Variants in TFRC observed in about 807,000 individuals in gnomAD.
The protein encoded by TFRC is transferrin receptor protein 1.
In TFRC, 35 loss-of-function variants were observed where a neutral mutation model predicts 85.8. The observed-to-expected ratio is 0.41, with a 90% confidence interval of 0.31 to 0.54. The LOEUF is 0.54. Ranked by LOEUF, TFRC falls within the 20% of genes least tolerant of loss-of-function variation. The pLI, the probability that TFRC is intolerant of heterozygous loss-of-function variation, is 0.31. For synonymous variants in TFRC, 362 were observed against 328.6 expected (o/e 1.10, Z -1.10); for missense variants, 828 against 921.5 (o/e 0.90, Z 1.31).
In TFRC at chr3:196,058,349, C is replaced by T; in HGVS notation, c.1612G>A (p.Asp538Asn). 6 of 1,613,914 alleles carry T rather than the reference C, an allele frequency of 3.7e-6. No homozygotes were observed. In the South Asian group the frequency reaches 4.4e-5, roughly 12 times the overall value. The change falls in exon 16 of 19, where the codon GAC (aspartate) becomes AAC (asparagine). Residue 538 changes from aspartate (D) to asparagine (N), a missense_variant. Transcript: ENST00000360110. The part of the protein sequence containing the change: ...WASKVEKLTL[D>N]NAAFPFLAYS... ...GCAAGGAAAGGGAAAGCAGCATTGT[C>T]TAAAGTGAGTTTCTCACTGCAAAGA...
At position 196,071,650 on chromosome 3, in the gene TFRC, G is replaced by C. The variant is rs929958909; in HGVS notation, c.585-152C>G. 3.6e-5 allele frequency: 31 copies of C among 855,816 alleles called. No individual in the cohort carries two copies. In the Admixed American group the frequency reaches 6.9e-4, roughly 19 times the overall value. 53.0% of individuals were successfully genotyped at this position (855,816 alleles called of 1,614,324 possible). ...TATTTTAAAAGCCTTTGGGCCGCAT[G>C]CGGTGGCTCACGCCTGTAATCCCAG... On this transcript the variant is annotated intron_variant, in intron 5 of 18. Transcript: ENST00000360110.
At chr3:196,053,178 T>A (rs970236106) in intron 18 of TFRC, among the ~76,000 whole-genome samples, 2 of 152,198 alleles carry the variant, frequency 1.3e-5, no homozygotes, top group African/African-American at 2.4e-5. Flanking sequence ...TTTAAATGTG[T>A]TCAGATTCTT....
At chr3:196,073,130 G>C (rs1385081233) in intron 4 of TFRC, among the ~76,000 whole-genome samples, 2 of 151,286 alleles carry the variant, frequency 1.3e-5, no homozygotes, top group African/African-American at 4.9e-5. Flanking sequence ...TGAGGTAGGA[G>C]AATTGCTTAA....
chr3:196,065,423 G>GGGC lies in TFRC; in HGVS notation c.1198+19_1198+20insGCC, dbSNP rs1467473482. ...AAACAAAAAAAAAGCGGGGCGGGGG[G>GGGC]GGGGGGGGGCGGTCTTTACCTGGTT... is the stretch of plus-strand genomic sequence containing the variant. On this transcript the variant is annotated intron_variant, in intron 10 of 18. Coordinates refer to ENST00000360110, the MANE Select transcript of TFRC (RefSeq NM_001128148.3). 1 of 700,106 alleles carries GGGC rather than the reference G, an allele frequency of 1.4e-6. No homozygotes were observed. The highest frequency in any genetic ancestry group is 1.9e-6 in the Non-Finnish European group (1 of 519,864). 43.4% of individuals were successfully genotyped at this position (700,106 alleles called of 1,614,324 possible).
chr3:196,073,869 C>G, intron 4 of TFRC, 61 bp downstream of exon 4: 1 of 1,511,790 alleles, frequency 6.6e-7, no homozygotes, highest in South Asian at 1.2e-5. Context: ...ATTGTTTCCC[C>G]GTGGCCTATC....
chr3:196,072,279 C>T (rs1357551175), intron 4 of TFRC, 127 bp from the exon 5 acceptor site: 1 of 1,253,064 alleles, frequency 8.0e-7, no homozygotes, highest in African/African-American at 1.5e-5. Context: ...TGAACTGTGA[C>T]CCAAAACTTC....
intron 4 of TFRC, 141 bp downstream of exon 4, chr3:196,073,789 C>G: frequency 4.8e-6 from 4 of 837,114 alleles, no homozygotes; most frequent in Non-Finnish European, 6.9e-6. Context: ...TTACAGGCCC[C>G]TTCCCCTCTT....
At chr3:196,077,743 ACT>A (rs1054692297) in intron 1 of TFRC, among the ~76,000 whole-genome samples, 5 of 151,366 alleles carry the variant, frequency 3.3e-5, no homozygotes, top group Non-Finnish European at 5.9e-5. Context: ...CAAGAGCAAA[ACT>A]CTGTCTCAAA....
chr3:196,055,989 A>AGAC (rs1182302672), intron 16 of TFRC, among the ~76,000 whole-genome samples: 192 of 149,562 alleles, frequency 1.3e-3, no homozygotes, highest in African/African-American at 4.6e-3. Context: ...CGCAGCCTTG[A>AGAC]GACGAGGCCT....
At chr3:196,076,960 C>T in intron 2 of TFRC, 104 bp downstream of exon 2, 2 of 1,071,896 alleles carry the variant, frequency 1.9e-6, no homozygotes, top group Admixed American at 1.9e-5. Flanking sequence ...TAAATGAATA[C>T]CTGATAATAG....
intron 3 of TFRC, 103 bp from the exon 4 acceptor site, chr3:196,074,228 A>G (rs1251242186): frequency 2.7e-6 from 3 of 1,114,314 alleles, no homozygotes; most frequent in Non-Finnish European, 2.6e-6. Context: ...ACTGGTTTTC[A>G]TCAAATTCTA....
Position 196,068,030 on chromosome 3 carries a change from A to C in TFRC, c.900+2T>G, listed in dbSNP as rs1358967853. 3 of 1,609,890 alleles carry C rather than the reference A, an allele frequency of 1.9e-6. No homozygotes were observed. The highest frequency in any genetic ancestry group is 2.5e-6 in the Non-Finnish European group (3 of 1,177,618). On this transcript the variant is annotated splice_donor_variant, in intron 8 of 18. Transcript: ENST00000360110. LOFTEE classifies it high-confidence loss of function. Reference sequence around the variant, plus strand: ...CGGTGATTTACTCAAGAAATAACTCACATGTCCAAAGAATGAAAGTTCTGC... The same window carrying C: ...CGGTGATTTACTCAAGAAATAACTCCCATGTCCAAAGAATGAAAGTTCTGC...
rs781090564 is a variant in TFRC at position 196,065,424 on chromosome 3, G to T, written c.1198+19C>A. ...AACAAAAAAAAAGCGGGGCGGGGGG[G>T]GGGGGGGGCGGTCTTTACCTGGTTC... On this transcript the variant is annotated intron_variant, in intron 10 of 18. Coordinates refer to ENST00000360110, the MANE Select transcript of TFRC (RefSeq NM_001128148.3). 2.7e-5 allele frequency: 19 copies of T among 710,570 alleles called. No homozygotes were observed. The highest frequency in any genetic ancestry group is 1.0e-4 in the Admixed American group (2 of 19,816). The allele number at this position is 710,570 out of a possible 1,614,324, so 44.0% of individuals were successfully genotyped here.
intron 2 of TFRC, among the ~76,000 whole-genome samples, chr3:196,076,536 G>A (rs544656161): frequency 2.7e-5 from 4 of 150,066 alleles, no homozygotes; most frequent in South Asian, 2.1e-4. Context: ...TGCAACCTCC[G>A]CCTCCCGGGT....
At chr3:196,062,429 A>T in intron 13 of TFRC, 153 bp downstream of exon 13, 1 of 664,258 alleles carries the variant, frequency 1.5e-6, no homozygotes. Context: ...GCTACTCAGG[A>T]GGCTAAGGCA....
intron 3 of TFRC, 69 bp from the exon 4 acceptor site, chr3:196,074,194 T>C (rs866836738): frequency 1.4e-6 from 2 of 1,412,884 alleles, no homozygotes; most frequent in African/African-American, 2.9e-5. Flanking sequence ...AATCTGTTAA[T>C]ATTTTCAGGT....
intron 1 of TFRC, among the ~76,000 whole-genome samples, chr3:196,079,381 G>A (rs1718977722): frequency 6.6e-6 from 1 of 152,186 alleles, no homozygotes; most frequent in Non-Finnish European, 1.5e-5. Flanking sequence ...GGAGGCCGAG[G>A]CGAGCAGATC....
At chr3:196,056,358 C>T (rs553697867) in intron 16 of TFRC, among the ~76,000 whole-genome samples, 24 of 152,168 alleles carry the variant, frequency 1.6e-4, no homozygotes, top group African/African-American at 5.8e-4. Context: ...CTGGACTGTC[C>T]AATAGATAGC....
intron 6 of TFRC, among the ~76,000 whole-genome samples, chr3:196,070,367 C>T (rs746407296): frequency 4.0e-5 from 6 of 151,652 alleles, no homozygotes; most frequent in Non-Finnish European, 8.8e-5. Context: ...TGGCTTCAAG[C>T]GATTCTCCTG....
Sources: gnomAD v4.1 joint callset for allele counts (sites outside exome capture counted in the v4.1 genomes callset) on GRCh38, gnomAD v4.1.1 for gene constraint, MANE v1.5 for transcripts, NCBI Gene and HGNC (gene_info 2026-07-23, HGNC 2026-07-21) for gene names.